The following RGS8 variants were observed in gnomAD, a reference collection of about 807,000 sequenced individuals.
RGS8 encodes the protein regulator of G protein signaling 8, also known as regulator of G-protein signaling 8.
Under a neutral mutation model 21.7 loss-of-function variants are expected in RGS8, and 8 were observed. The observed-to-expected ratio is 0.37, with a 90% CI of 0.22 to 0.66. The LOEUF is 0.66. Among genes scored for constraint, RGS8 ranks in the 30% least tolerant of loss-of-function variants. The pLI, the probability that RGS8 is intolerant of heterozygous loss-of-function variation, is 0.59. For missense variants in RGS8, 157 were observed against 217.9 expected, an observed-to-expected ratio of 0.72 and a Z score of 1.76; for synonymous variants, 80 against 83.6, an observed-to-expected ratio of 0.96 and a Z score of 0.24.
At chr1:182,751,722 T>C in the RGS8 span, among the ~76,000 whole-genome samples, 1 of 152,188 alleles carries the variant, frequency 6.6e-6, no homozygotes, top group Non-Finnish European at 1.5e-5. Flanking sequence ...ATATACTTTC[T>C]CACATTCAAA....
the RGS8 span, among the ~76,000 whole-genome samples, chr1:182,742,136 C>T: frequency 1.7e-4 from 24 of 144,850 alleles, 1 homozygote; most frequent in East Asian, 4.8e-3. Context: ...ACATCTCAGA[C>T]GATGGGCGGC....
the RGS8 span, among the ~76,000 whole-genome samples, chr1:182,722,145 G>A: frequency 6.6e-6 from 1 of 151,272 alleles, no homozygotes; most frequent in Admixed American, 6.6e-5. Flanking sequence ...TGAGGAAGAA[G>A]GTAGTTCCAG....
At chr1:182,669,531 A>T in intron 3 of RGS8, 93 bp downstream of exon 4, 1 of 1,586,644 alleles carries the variant, frequency 6.3e-7, no homozygotes, top group Non-Finnish European at 8.6e-7. Context: ...TGGGCTCAGA[A>T]GGCTTGGGCC....
chr1:182,656,171 C>T (rs975004724), intron 5 of RGS8, among the ~76,000 whole-genome samples: 2 of 152,276 alleles, frequency 1.3e-5, no homozygotes, highest in Admixed American at 6.5e-5. Context: ...ACTTTGTAGT[C>T]GCTTGGCCAG....
chr1:182,707,268 G>A, the RGS8 span, among the ~76,000 whole-genome samples: 1 of 152,176 alleles, frequency 6.6e-6, no homozygotes, highest in African/African-American at 2.4e-5. Flanking sequence ...AGGCTGGAGA[G>A]GCAAAGACAA....
the RGS8 span, among the ~76,000 whole-genome samples, chr1:182,704,364 C>T: frequency 6.6e-6 from 1 of 152,162 alleles, no homozygotes; most frequent in East Asian, 1.9e-4. Flanking sequence ...TCTCACTGTC[C>T]TCAGTTAAAC....
the RGS8 span, among the ~76,000 whole-genome samples, chr1:182,720,162 T>G: frequency 3.3e-5 from 5 of 151,858 alleles, no homozygotes; most frequent in African/African-American, 1.2e-4. Flanking sequence ...AGTCTTCTCT[T>G]GTTTGTTTGT....
At chr1:182,739,578 T>C in the RGS8 span, among the ~76,000 whole-genome samples, 13 of 152,308 alleles carry the variant, frequency 8.5e-5, no homozygotes, top group African/African-American at 3.1e-4. Context: ...TATTGTATAT[T>C]GGCTTTGTAT....
At chr1:182,689,258 C>CACACAG (rs1355282711), upstream of RGS8, among the ~76,000 whole-genome samples, 2 of 138,600 alleles carry the variant, frequency 1.4e-5, no homozygotes, top group Admixed American at 7.3e-5. Flanking sequence ...CGCACGCACA[C>CACACAG]ACACAGACAC....
At chr1:182,694,168 G>T in the RGS8 span, among the ~76,000 whole-genome samples, 1 of 151,766 alleles carries the variant, frequency 6.6e-6, no homozygotes, top group Non-Finnish European at 1.5e-5. Context: ...ACTTGTATTT[G>T]TTTCTTCTGA....
chr1:182,715,549 G>A, the RGS8 span, among the ~76,000 whole-genome samples: 559 of 152,286 alleles, frequency 3.7e-3, 1 homozygote, highest in Non-Finnish European at 6.5e-3. Flanking sequence ...ACCTAGAAGT[G>A]ACCCAGCATC....
intron 5 of RGS8, among the ~76,000 whole-genome samples, chr1:182,664,363 G>C (rs1663749455): frequency 6.6e-6 from 1 of 151,842 alleles, no homozygotes; most frequent in East Asian, 1.9e-4. Context: ...ATCAACGAAA[G>C]GTGTCCTCTT....
chr1:182,701,955 G>A, the RGS8 span, among the ~76,000 whole-genome samples: 1 of 152,172 alleles, frequency 6.6e-6, no homozygotes, highest in Admixed American at 6.5e-5. Flanking sequence ...TGAGGCTGCA[G>A]AGGAAAAAAT....
intron 1 of RGS8, among the ~76,000 whole-genome samples, chr1:182,682,204 T>C (rs1248087314): frequency 6.6e-6 from 1 of 152,222 alleles, no homozygotes; most frequent in Non-Finnish European, 1.5e-5. Context: ...GGTTGTGCTA[T>C]ACAAATGTGA....
intron 4 of RGS8, 68 bp from the exon 6 acceptor site, chr1:182,666,101 GA>G (rs113890442): frequency 2.9e-6 from 4 of 1,397,742 alleles, no homozygotes; most frequent in African/African-American, 1.4e-5. Context: ...CAACCGCTAA[GA>G]TTTGCTCAAG....
the RGS8 span, among the ~76,000 whole-genome samples, chr1:182,741,700 CCGGG>C: frequency 0.033 from 3,760 of 115,222 alleles, 657 homozygotes; most frequent in Non-Finnish European, 0.048. Context: ...GTAGGGGCGG[CCGGG>C]CAGAGGCGCC....
rs1664142812 is a variant in RGS8, at chr1:182,671,222, G to A, written c.-104+435C>T. ...TGCTCAGACCCTCCACTACCCATTT[G>A]ATGCTCTCAACCACAGATGCCAATA... On this transcript the variant is annotated intron_variant, in intron 2 of 6. Coordinates refer to ENST00000483095, the Ensembl canonical transcript of RGS8. 2.0e-5 allele frequency among the ~76,000 whole-genome samples: 3 copies of A among 152,250 alleles called. No homozygotes were observed. In the South Asian group the frequency reaches 6.2e-4, roughly 32 times the overall value.
chr1:182,730,081 G>A, the RGS8 span, among the ~76,000 whole-genome samples: 14 of 152,152 alleles, frequency 9.2e-5, no homozygotes, highest in African/African-American at 3.1e-4. Context: ...TTAGAGGTAG[G>A]AGCAAATGGC....
the RGS8 span, among the ~76,000 whole-genome samples, chr1:182,703,101 G>C: frequency 6.6e-6 from 1 of 152,236 alleles, no homozygotes; most frequent in African/African-American, 2.4e-5. Context: ...GGACAAGATA[G>C]AGTACTAGAC....
Sources: gnomAD v4.1 joint callset for allele counts (sites outside exome capture counted in the v4.1 genomes callset) on GRCh38, gnomAD v4.1.1 for gene constraint, MANE v1.5 for transcripts, NCBI Gene and HGNC (gene_info 2026-07-23, HGNC 2026-07-21) for gene names.